MBP: variants seen among roughly 807,000 people sequenced by gnomAD.
MBP encodes the protein myelin basic protein, also known as Golli-MBP.
Under a neutral mutation model 35.8 loss-of-function variants are expected in MBP, and 16 were observed. The observed-to-expected ratio is 0.45, with a 90% CI of 0.30 to 0.68. The LOEUF is 0.68. MBP is among the 30% of genes least tolerant of loss of function. The pLI is 0.08. For missense variants in MBP, 380 were observed against 404.7 expected (o/e 0.94, Z 0.52); for synonymous variants, 143 against 159.6 (o/e 0.90, Z 0.78).
chr18:77,089,866 G>C (rs1025905991), intron 2 of MBP, among the ~76,000 whole-genome samples: 1 of 152,200 alleles, frequency 6.6e-6, no homozygotes, highest in East Asian at 1.9e-4. Flanking sequence ...CTAGCTCCTA[G>C]GCATGCATTC....
chr18:76,991,751 T>A (rs779587026), intron 4 of MBP, among the ~76,000 whole-genome samples: 1 of 152,176 alleles, frequency 6.6e-6, no homozygotes, highest in Non-Finnish European at 1.5e-5. Context: ...CTGCGCCCCG[T>A]CGACACAGAA....
At chr18:77,041,804 G>A (rs1321237469) in intron 3 of MBP, among the ~76,000 whole-genome samples, 3 of 149,490 alleles carry the variant, frequency 2.0e-5, no homozygotes, top group African/African-American at 7.4e-5. Flanking sequence ...GGGAGGGATA[G>A]CATTAGGAGA....
In MBP at chr18:77,022,201, T is replaced by C. The variant is rs1283205488; in HGVS notation, c.140-4933A>G. Among the ~76,000 whole-genome samples, 3 of 152,024 alleles carry C rather than the reference T, an allele frequency of 2.0e-5. No homozygotes were observed. In the East Asian group the frequency reaches 5.8e-4, roughly 29 times the overall value. ...CAGGTTAACCTGCTCTCACATACATTACAGATGTTTGCCAACAGCAAAGTG... is the reference window on the plus strand; with the variant it reads ...CAGGTTAACCTGCTCTCACATACATCACAGATGTTTGCCAACAGCAAAGTG... On this transcript the variant is annotated intron_variant, in intron 3 of 8. Transcript: ENST00000355994.
At chr18:77,081,342 C>A (rs1203867513) in intron 2 of MBP, among the ~76,000 whole-genome samples, 1 of 152,070 alleles carries the variant, frequency 6.6e-6, no homozygotes, top group Non-Finnish European at 1.5e-5. Context: ...TAAAGAATTC[C>A]TACAACTCAA....
chr18:77,125,966 G>A (rs969751869), intron 1 of MBP, among the ~76,000 whole-genome samples: 1 of 151,622 alleles, frequency 6.6e-6, no homozygotes, highest in African/African-American at 2.4e-5. Flanking sequence ...AGGCCCACAT[G>A]GTTTCACCGG....
intron 4 of MBP, among the ~76,000 whole-genome samples, chr18:76,993,879 T>C (rs1016293904): frequency 2.6e-5 from 4 of 152,220 alleles, no homozygotes; most frequent in Admixed American, 2.6e-4. Context: ...AACGTGAGGA[T>C]GTCAGAAGGG....
chr18:76,992,853 C>G (rs1376451920), intron 4 of MBP, among the ~76,000 whole-genome samples: 1 of 152,204 alleles, frequency 6.6e-6, no homozygotes. Context: ...ATCCCCTGCC[C>G]TGGGCTGTGC....
At chr18:77,046,531 C>T (rs908798957) in intron 3 of MBP, among the ~76,000 whole-genome samples, 1 of 152,264 alleles carries the variant, frequency 6.6e-6, no homozygotes, top group South Asian at 2.1e-4. Flanking sequence ...CCTCCTCAAC[C>T]ACTGCCTCCC....
intron 7 of MBP, chr18:76,987,009 T>G: frequency 1.0e-6 from 1 of 985,178 alleles, no homozygotes; most frequent in Non-Finnish European, 1.2e-6. Flanking sequence ...GCAGACAAAA[T>G]GCAGAGAAGG....
At chr18:77,104,429 A>C (rs1976174382) in intron 2 of MBP, among the ~76,000 whole-genome samples, 1 of 152,178 alleles carries the variant, frequency 6.6e-6, no homozygotes, top group South Asian at 2.1e-4. Flanking sequence ...CGCAGGAGAA[A>C]GGAGGTTATC....
chr18:76,991,442 A>C (rs1297272844), intron 4 of MBP, among the ~76,000 whole-genome samples: 2 of 152,210 alleles, frequency 1.3e-5, no homozygotes, highest in Non-Finnish European at 2.9e-5. Flanking sequence ...TAGGCGACGC[A>C]GGGGATGCTG....
At chr18:77,001,914 T>C (rs1220391382) in intron 4 of MBP, among the ~76,000 whole-genome samples, 2 of 152,278 alleles carry the variant, frequency 1.3e-5, no homozygotes, top group Admixed American at 1.3e-4. Flanking sequence ...CCCCTCATGA[T>C]AGTGTTCTTA....
Position 76,988,952 on chromosome 18 carries a change from C to T in MBP, c.682-40G>A, listed in dbSNP as rs775660322. 2.5e-6 allele frequency: 4 copies of T among 1,607,000 alleles called. No individual in the cohort carries two copies. The highest frequency in any genetic ancestry group is 2.2e-5 in the South Asian group (2 of 90,944). ...AGAACCGTGGGCTGCACTGGGAGCC[C>T]TGTGCCGCCGTCCATTTCCTAACGG... On this transcript the variant is annotated intron_variant, in intron 5 of 8. Coordinates refer to ENST00000355994, the MANE Select transcript of MBP (RefSeq NM_001025101.2). This position sits in a 1 kb window ranked among gnomAD's most constrained non-coding sequence, Gnocchi z 5.2.
chr18:76,988,663 C>A lies in MBP; in HGVS notation c.718-136G>T. On this transcript the variant is annotated intron_variant, in intron 6 of 8. Transcript: ENST00000355994. This position sits in a 1 kb window ranked among gnomAD's most constrained non-coding sequence, Gnocchi z 5.2. ...GTTCCACCCGGAGCTCCGAGGGGGGCCGCAGGCTCAGGGCCACAGCGGCTG... is the reference window on the plus strand; with the variant it reads ...GTTCCACCCGGAGCTCCGAGGGGGGACGCAGGCTCAGGGCCACAGCGGCTG... The A allele has an allele frequency of 6.7e-7, 1 of 1,483,726 alleles. No homozygotes were observed. The highest frequency in any genetic ancestry group is 9.0e-7 in the Non-Finnish European group (1 of 1,111,638). 91.9% of individuals were successfully genotyped at this position (1,483,726 alleles called of 1,614,324 possible). A position where few individuals can be genotyped will look rare whatever the true frequency, so the allele number is the denominator to read the frequency against.
At chr18:77,117,822 T>C (rs983829896) in intron 1 of MBP, among the ~76,000 whole-genome samples, 1 of 12,752 alleles carries the variant, frequency 7.8e-5, no homozygotes, top group Non-Finnish European at 1.7e-4. Flanking sequence ...TGGGTTGGAG[T>C]GGGATGGGGG....
At chr18:77,120,814 C>A (rs1483412795) in intron 1 of MBP, among the ~76,000 whole-genome samples, 2 of 152,126 alleles carry the variant, frequency 1.3e-5, no homozygotes, top group African/African-American at 4.8e-5. Flanking sequence ...TGTGTGCAAT[C>A]GGTAAATTTT....
chr18:77,066,502 G>C, intron 2 of MBP, 117 bp from the exon 3 acceptor site: 1 of 801,634 alleles, frequency 1.2e-6, no homozygotes, highest in Non-Finnish European at 2.2e-6. Context: ...TTTCACATCT[G>C]TTTTCAAGAT....
In MBP at chr18:76,989,903, G is replaced by A; in HGVS notation, c.681+53C>T. The A allele has an allele frequency of 6.8e-7, 1 of 1,473,912 alleles. No homozygotes were observed. 91.3% of individuals were successfully genotyped at this position (1,473,912 alleles called of 1,614,324 possible). A position where few individuals can be genotyped will look rare whatever the true frequency, so the allele number is the denominator to read the frequency against. On this transcript the variant is annotated intron_variant, in intron 5 of 8. Coordinates refer to ENST00000355994, the MANE Select transcript of MBP (RefSeq NM_001025101.2). This position sits in a 1 kb window ranked among gnomAD's most constrained non-coding sequence, Gnocchi z 4.0. ...CCTGTGTGGATGACAGCAGTGGCCAGCACCCCTCCTCCCCCTCACAGTTGC... is the reference window on the plus strand; with the variant it reads ...CCTGTGTGGATGACAGCAGTGGCCAACACCCCTCCTCCCCCTCACAGTTGC...
chr18:77,125,714 C>T (rs1977026373), intron 1 of MBP, among the ~76,000 whole-genome samples: 1 of 152,016 alleles, frequency 6.6e-6, no homozygotes, highest in South Asian at 2.1e-4. Flanking sequence ...ATCTATAGCC[C>T]TACTCATGGG....
Sources: allele counts gnomAD v4.1 joint callset (sites outside exome capture counted in the v4.1 genomes callset), GRCh38; gene constraint gnomAD v4.1.1; non-coding constraint Gnocchi (gnomAD v3.1); transcripts MANE v1.5; gene names NCBI Gene and HGNC (gene_info 2026-07-23, HGNC 2026-07-21).